The following FMR1NB variants were observed in gnomAD, a reference collection of about 807,000 sequenced individuals.
The protein encoded by FMR1NB is FMR1 neighbor protein.
A neutral mutation model predicts 16.8 loss-of-function variants in FMR1NB; 10 were observed. The ratio of observed to expected loss-of-function variants is 0.60; its 90% CI spans 0.37 to 1.01. The LOEUF (loss-of-function observed/expected upper bound fraction) is 1.01, where lower values mean the gene tolerates loss of function less well. Ranked by LOEUF, FMR1NB falls within the 50% of genes least tolerant of loss-of-function variation. FMR1NB has a pLI of 0.01. For synonymous variants in FMR1NB, 83 were observed against 79.1 expected (o/e 1.05, Z -0.26); for missense variants, 205 against 204.8 (o/e 1.00, Z 0.00).
In FMR1NB at chrX:148,011,271, AC is replaced by A. The variant is rs782481598; in HGVS notation, c.632+2561del. Among the ~76,000 whole-genome samples the A allele has an allele frequency of 4.0e-3, 397 of 100,243 alleles. 3 individuals are homozygous for A. The highest frequency in any genetic ancestry group is 0.015 in the African/African-American group (357 of 24,034). The allele number at this position is 100,243 out of a possible 115,157, so 87.0% of individuals were successfully genotyped here. On this transcript the variant is annotated intron_variant, in intron 4 of 5. Coordinates refer to ENST00000370467, the MANE Select transcript of FMR1NB (RefSeq NM_152578.3). ...AGAGTGAGACTCCATCTCAAAAAAA[AC>A]AAAAACAAAAACAAAAAAAAAATGT...
At chrX:148,002,450 C>A (rs1228692236) in intron 1 of FMR1NB, among the ~76,000 whole-genome samples, 3 of 111,582 alleles carry the variant, frequency 2.7e-5, no homozygotes, top group Admixed American at 9.6e-5. Context: ...AAGAATTTAT[C>A]TTAAGTAATT....
intron 1 of FMR1NB, among the ~76,000 whole-genome samples, chrX:147,990,877 C>A (rs936620145): frequency 9.1e-5 from 10 of 110,322 alleles, no homozygotes; most frequent in Admixed American, 1.9e-4. Context: ...GACTAACCTT[C>A]TTCACCACAC....
chrX:148,000,768 A>G (rs782124534), intron 1 of FMR1NB, among the ~76,000 whole-genome samples: 5 of 111,789 alleles, frequency 4.5e-5, no homozygotes, highest in African/African-American at 1.6e-4. Flanking sequence ...AGCAGCCAAC[A>G]TTATACTTCA....
At chrX:148,011,412 A>G (rs2097708296) in intron 4 of FMR1NB, among the ~76,000 whole-genome samples, 1 of 111,731 alleles carries the variant, frequency 9.0e-6, no homozygotes, top group Admixed American at 9.5e-5. Context: ...TCCACTATTG[A>G]CCATATTCAT....
chrX:148,021,285 C>T (rs2044676765), intron 4 of FMR1NB, among the ~76,000 whole-genome samples: 1 of 111,235 alleles, frequency 9.0e-6, no homozygotes, highest in Admixed American at 9.5e-5. Flanking sequence ...GGAGAGGCGG[C>T]ATTGGCAATT....
intron 1 of FMR1NB, among the ~76,000 whole-genome samples, chrX:147,981,977 C>A (rs1404873621): frequency 1.8e-5 from 2 of 111,774 alleles, no homozygotes; most frequent in Non-Finnish European, 1.9e-5. Context: ...AATAGACTAA[C>A]CTCCCTTGTC....
rs782638219 is a variant in FMR1NB, at chrX:148,008,602, A to G, written c.539-16A>G. The G allele has an allele frequency of 5.8e-6, 7 of 1,200,881 alleles. No homozygotes were observed. In the South Asian group the frequency reaches 1.3e-4, roughly 22 times the overall value. ...GCTTAAGTCATGAAAGTAACAGGAT[A>G]TAATTAAACCAACAGTGCCTAAACA... is the stretch of plus-strand genomic sequence containing the variant. On this transcript the variant is annotated splice_polypyrimidine_tract_variant and intron_variant, in intron 3 of 5. Coordinates refer to ENST00000370467, the MANE Select transcript of FMR1NB (RefSeq NM_152578.3).
At chrX:148,003,362 T>C (rs781984378) in intron 2 of FMR1NB, 42 bp downstream of exon 2, 1 of 1,186,410 alleles carries the variant, frequency 8.4e-7, no homozygotes, top group Admixed American at 2.2e-5. Context: ...AATGTTCTTG[T>C]TTTGAAAACA....
intron 1 of FMR1NB, 119 bp downstream of exon 1, chrX:147,981,798 C>A: frequency 1.2e-6 from 1 of 831,111 alleles, no homozygotes; most frequent in Non-Finnish European, 1.7e-6. Context: ...CCTTCCTGTC[C>A]TCTCTCCTCC....
chrX:147,993,337 G>A lies in FMR1NB; in HGVS notation c.278-9864G>A, dbSNP rs1267987303. ...AGGAGAATCAGGCAGGGAGGTTGCA[G>A]TGAGCCGAGATGGCAGCAGTACAGT... On this transcript the variant is annotated intron_variant, in intron 1 of 5. Transcript: ENST00000370467. Among the ~76,000 whole-genome samples the A allele has an allele frequency of 2.7e-5, 3 of 111,700 alleles. No individual in the cohort carries two copies. The Admixed American group carries it at 2.8e-4, about 10-fold the overall frequency.
chrX:148,003,921 G>T (rs1557188850), intron 2 of FMR1NB, among the ~76,000 whole-genome samples: 1 of 111,620 alleles, frequency 9.0e-6, no homozygotes, highest in Non-Finnish European at 1.9e-5. Flanking sequence ...ATATAAATTG[G>T]AATATGTGAA....
intron 1 of FMR1NB, among the ~76,000 whole-genome samples, chrX:147,985,013 T>C (rs2044468974): frequency 8.9e-6 from 1 of 112,231 alleles, no homozygotes; most frequent in African/African-American, 3.2e-5. Context: ...ATTAGTGGGA[T>C]GAACCCCACT....
In FMR1NB at chrX:148,024,971, A is replaced by G. The variant is rs146389323; in HGVS notation, c.739A>G (p.Arg247Gly). 5 of 1,209,403 alleles carry G rather than the reference A, an allele frequency of 4.1e-6. No individual in the cohort carries two copies. Among genetic ancestry groups the G allele is most frequent in the Non-Finnish European group, 4.5e-6 (4 of 894,758 alleles). Residue 247 changes from arginine to glycine, a missense_variant, in exon 5 of 6, where the codon AGA (arginine) becomes GGA (glycine). Arg to Gly is a moderately radical substitution (Grantham distance 125, BLOSUM62 -2). Transcript: ENST00000370467. ...GTCTGAAATGTTACAGAAAGCAGCAAGAGGACGTGAGGAACATGGTGACGA... is the reference window on the plus strand; with the variant it reads ...GTCTGAAATGTTACAGAAAGCAGCAGGAGGACGTGAGGAACATGGTGACGA... ...RKSEMLQKAA[R>G]GREEHGDE is the part of the protein sequence containing the mutation.
At chrX:147,987,832 G>A (rs181508325) in intron 1 of FMR1NB, among the ~76,000 whole-genome samples, 19 of 110,122 alleles carry the variant, frequency 1.7e-4, no homozygotes, top group Admixed American at 5.0e-4. Flanking sequence ...TTTTATCAGA[G>A]ACTAGGATTG....
chrX:148,012,522 G>GTGT (rs1319860358), intron 4 of FMR1NB, among the ~76,000 whole-genome samples: 1 of 111,683 alleles, frequency 9.0e-6, no homozygotes, highest in South Asian at 3.7e-4. Flanking sequence ...TGACAAAACT[G>GTGT]TGTTTTCTTT....
At chrX:147,992,552 C>G (rs1244429985) in intron 1 of FMR1NB, among the ~76,000 whole-genome samples, 1 of 13,600 alleles carries the variant, frequency 7.4e-5, no homozygotes, top group Admixed American at 8.4e-4. Flanking sequence ...GGGTGGCTGC[C>G]GGGCGGAGAC....
In FMR1NB at chrX:147,994,934, C is replaced by T. The variant is rs1013871603; in HGVS notation, c.278-8267C>T. ...CCAAAAACAGTTGCAATTATAACCC[C>T]AATACCTTATTTGTGATCTTGTTTG... is the stretch of plus-strand genomic sequence containing the variant. On this transcript the variant is annotated intron_variant, in intron 1 of 5. Transcript: ENST00000370467. Among the ~76,000 whole-genome samples the T allele has an allele frequency of 5.4e-5, 6 of 112,083 alleles. No individual in the cohort carries two copies. In the Admixed American group the frequency reaches 5.7e-4, roughly 11 times the overall value.
chrX:147,992,111 C>T (rs782546241), intron 1 of FMR1NB, among the ~76,000 whole-genome samples: 330 of 111,841 alleles, frequency 3.0e-3, no homozygotes, highest in Non-Finnish European at 5.0e-3. Context: ...CCCCACCTTT[C>T]CCGCCTTTCT....
intron 1 of FMR1NB, among the ~76,000 whole-genome samples, chrX:147,998,191 C>G (rs1321402407): frequency 8.9e-6 from 1 of 112,339 alleles, no homozygotes; most frequent in African/African-American, 3.2e-5. Flanking sequence ...ATAGCAAAGA[C>G]TTGGAACCAA....
Sources: allele counts gnomAD v4.1 joint callset (sites outside exome capture counted in the v4.1 genomes callset), GRCh38; gene constraint gnomAD v4.1.1; transcripts MANE v1.5; gene names NCBI Gene and HGNC (gene_info 2026-07-23, HGNC 2026-07-21).